TRAK1: variants seen among roughly 807,000 people sequenced by gnomAD.
The protein encoded by TRAK1 is trafficking kinesin protein 1, also known as trafficking kinesin-binding protein 1.
TRAK1 carries 33 observed loss-of-function variants against 92.1 expected under a neutral mutation model. That is an observed-to-expected ratio of 0.36 (90% CI 0.27 to 0.48). The LOEUF is 0.48. TRAK1 is among the 20% of genes least tolerant of loss of function. The pLI, the probability that TRAK1 is intolerant of heterozygous loss-of-function variation, is 0.99. For missense variants in TRAK1, 1,123 were observed against 1,257.9 expected, an observed-to-expected ratio of 0.89 and a Z score of 1.62; for synonymous variants, 521 against 517.3, an observed-to-expected ratio of 1.01 and a Z score of -0.10.
chr3:42,160,506 T>G (rs1486292451), intron 2 of TRAK1: 2 of 1,607,724 alleles, frequency 1.2e-6, no homozygotes, highest in Non-Finnish European at 1.7e-6. Context: ...ATTTGATCCT[T>G]TCCTTGTTAG....
At chr3:42,179,903 CT>C (rs536577238) in intron 3 of TRAK1, among the ~76,000 whole-genome samples, 1 of 150,554 alleles carries the variant, frequency 6.6e-6, no homozygotes, top group Non-Finnish European at 1.5e-5. Flanking sequence ...TGTTTTTATC[CT>C]TTTTTTTTGG....
chr3:42,201,867 GAC>G, intron 12 of TRAK1, among the ~76,000 whole-genome samples: 1 of 136,344 alleles, frequency 7.3e-6, no homozygotes, highest in East Asian at 2.1e-4. Context: ...CGGACGGACG[GAC>G]GGACGGACAG....
At chr3:42,030,641 G>A (rs1702096129) in intron 1 of TRAK1, among the ~76,000 whole-genome samples, 1 of 131,652 alleles carries the variant, frequency 7.6e-6, no homozygotes. Flanking sequence ...CCACTGCACT[G>A]CAGCCTGGGT....
chr3:42,215,340 A>G (rs1197922916), intron 14 of TRAK1, among the ~76,000 whole-genome samples: 1 of 152,228 alleles, frequency 6.6e-6, no homozygotes, highest in Non-Finnish European at 1.5e-5. Context: ...GCAAAAGGCA[A>G]CAAAGTCATT....
chr3:42,062,508 T>C (rs1703492216), intron 1 of TRAK1, among the ~76,000 whole-genome samples: 1 of 152,230 alleles, frequency 6.6e-6, no homozygotes, highest in Admixed American at 6.5e-5. Flanking sequence ...AGCATGACTA[T>C]ACTGCTACCC....
chr3:42,223,054 A>T lies in TRAK1; in HGVS notation c.2179A>T (p.Thr727Ser). The change falls in exon 16 of 16, where the codon ACC becomes TCC. Residue 727 changes from threonine to serine, a missense_variant. Physicochemically the swap from Thr to Ser is moderately conservative, Grantham distance 58 (BLOSUM62 1). This residue lies in a region of TRAK1 where 401 missense variants were observed against 438.9 expected (regional missense o/e 0.91). Coordinates refer to ENST00000327628, the MANE Select transcript of TRAK1 (RefSeq NM_001042646.3). This position sits in a 1 kb window ranked among gnomAD's most constrained non-coding sequence, Gnocchi z 6.1. The part of the protein sequence containing the change: ...RLSLAESFTN[T>S]RESTTTMSTS... ...GAGCCTGGCTGAGTCCTTCACTAAC[A>T]CCCGTGAGTCCACGACCACCATGAG... is the stretch of plus-strand genomic sequence containing the variant. 6.2e-7 allele frequency: 1 copy of T among 1,613,338 alleles called. No homozygotes were observed. Among genetic ancestry groups the T allele is most frequent in the Non-Finnish European group, 8.5e-7 (1 of 1,179,858 alleles).
At chr3:42,142,325 T>G (rs1698777334) in intron 2 of TRAK1, among the ~76,000 whole-genome samples, 1 of 152,202 alleles carries the variant, frequency 6.6e-6, no homozygotes, top group South Asian at 2.1e-4. Context: ...AATGACACAC[T>G]TCACCTGGAA....
intron 2 of TRAK1, among the ~76,000 whole-genome samples, chr3:42,160,836 T>G (rs1033649341): frequency 6.6e-6 from 1 of 152,152 alleles, no homozygotes; most frequent in Non-Finnish European, 1.5e-5. Flanking sequence ...TTAACTGAGG[T>G]CTTTGAAATT....
At chr3:42,099,058 G>T (rs879942462) in intron 1 of TRAK1, among the ~76,000 whole-genome samples, 1 of 152,008 alleles carries the variant, frequency 6.6e-6, no homozygotes, top group African/African-American at 2.4e-5. Context: ...AGTCAGGGAG[G>T]GGGTATCTAA....
intron 2 of TRAK1, among the ~76,000 whole-genome samples, chr3:42,164,165 T>A (rs899884436): frequency 6.6e-6 from 1 of 152,178 alleles, no homozygotes; most frequent in Non-Finnish European, 1.5e-5. Context: ...GCCAGTCCCA[T>A]GTGGAGCAGA....
At chr3:42,056,933 A>G (rs1703227097) in intron 1 of TRAK1, among the ~76,000 whole-genome samples, 1 of 152,240 alleles carries the variant, frequency 6.6e-6, no homozygotes, top group African/African-American at 2.4e-5. Flanking sequence ...AAAGTAAAGT[A>G]CCAAAATTGC....
chr3:42,213,151 C>T (rs556371256), intron 14 of TRAK1, among the ~76,000 whole-genome samples: 18 of 151,154 alleles, frequency 1.2e-4, no homozygotes, highest in South Asian at 2.1e-4. Context: ...TTCCACCTCC[C>T]GGTTCAAGTG....
chr3:42,070,866 A>G (rs1200014443), intron 1 of TRAK1, among the ~76,000 whole-genome samples: 57 of 152,208 alleles, frequency 3.7e-4, no homozygotes, highest in Admixed American at 3.7e-3. Context: ...AAGTACATTG[A>G]TGTTTATATT....
Position 42,224,501 on chromosome 3 carries a change from T to C in TRAK1, c.*764T>C, listed in dbSNP as rs1368768038. 2.4e-5 allele frequency: 4 copies of C among 168,180 alleles called. No individual in the cohort carries two copies. The highest frequency in any genetic ancestry group is 6.5e-5 in the Admixed American group (1 of 15,420). The allele number at this position is 168,180 out of a possible 1,614,324, so 10.4% of individuals were successfully genotyped here. A position where few individuals can be genotyped will look rare whatever the true frequency, so the allele number is the denominator to read the frequency against. On this transcript the variant is annotated 3_prime_UTR_variant, in exon 16 of 16. Transcript: ENST00000327628. ...GTGTGATTTGTTTTATTTTTCCTTT[T>C]TTTTACATATATATGCAGGGAAGTA... is the stretch of plus-strand genomic sequence containing the variant.
intron 1 of TRAK1, among the ~76,000 whole-genome samples, chr3:42,063,022 C>T (rs565021892): frequency 3.9e-4 from 59 of 152,352 alleles, no homozygotes; most frequent in African/African-American, 1.3e-3. Context: ...AACAAGGTCA[C>T]ACTGGTAGTG....
intron 14 of TRAK1, chr3:42,218,871 C>T (rs1710012948): frequency 1.0e-6 from 1 of 985,330 alleles, no homozygotes; most frequent in South Asian, 4.7e-5. Context: ...AGCTCAGGAC[C>T]CTAGAGAGCC....
In TRAK1 at chr3:42,209,793, C is replaced by A. The variant is rs1469991686; in HGVS notation, c.1771C>A (p.Gln591Lys). Reference protein sequence around the residue: ...EGSATLHHWQQLAQPHLGGIL... With the variant: ...EGSATLHHWQKLAQPHLGGIL... ...TTCCGCCACACTTCACCACTGGCAGCAGTTGGCCCAACCTCACCTTGGGGG... is the reference window on the plus strand; with the variant it reads ...TTCCGCCACACTTCACCACTGGCAGAAGTTGGCCCAACCTCACCTTGGGGG... Residue 591 changes from glutamine to lysine, a missense_variant, in exon 14 of 16, where the codon CAG becomes AAG. Physicochemically the swap from Gln to Lys is moderately conservative, Grantham distance 53. This residue lies in a region of TRAK1 where 36 missense variants were observed against 71.3 expected (regional missense o/e 0.50). Coordinates refer to ENST00000327628, the MANE Select transcript of TRAK1 (RefSeq NM_001042646.3). The A allele has an allele frequency of 6.2e-7, 1 of 1,614,078 alleles. No individual in the cohort carries two copies. The highest frequency in any genetic ancestry group is 8.5e-7 in the Non-Finnish European group (1 of 1,180,036).
chr3:42,140,952 T>C (rs574077313), intron 2 of TRAK1, among the ~76,000 whole-genome samples: 1 of 152,148 alleles, frequency 6.6e-6, no homozygotes, highest in Non-Finnish European at 1.5e-5. Flanking sequence ...TGGGGATGCA[T>C]AGGAATTGGG....
At chr3:42,113,590 T>A (rs907025433) in intron 1 of TRAK1, among the ~76,000 whole-genome samples, 4 of 152,036 alleles carry the variant, frequency 2.6e-5, no homozygotes, top group Admixed American at 2.0e-4. Flanking sequence ...ATTTTTGTAT[T>A]TTTTAGTAGA....
Sources: gnomAD v4.1 joint callset for allele counts (sites outside exome capture counted in the v4.1 genomes callset) on GRCh38, gnomAD v4.1.1 for gene constraint, gnomAD v4.1.1 regional missense constraint, Gnocchi (gnomAD v3.1) non-coding constraint, MANE v1.5 for transcripts, NCBI Gene and HGNC (gene_info 2026-07-23, HGNC 2026-07-21) for gene names.